Variants in SHPK observed in about 807,000 individuals in gnomAD.
The protein encoded by SHPK is carbohydrate kinase-like protein.
Under a neutral mutation model 46.3 loss-of-function variants are expected in SHPK, and 51 were observed. That is an observed-to-expected ratio of 1.10 (90% confidence interval 0.88 to 1.39). SHPK has a LOEUF of 1.39. SHPK is among the 40% of genes most tolerant of loss of function. SHPK has a pLI of 0.00. For synonymous variants in SHPK, 290 were observed against 273.9 expected (o/e 1.06, Z -0.58); for missense variants, 668 against 641.3 (o/e 1.04, Z -0.45).
rs1170768056 is a variant in SHPK at position 3,630,214 on chromosome 17, T to C, written c.301A>G (p.Thr101Ala). 6.2e-7 allele frequency: 1 copy of C among 1,613,836 alleles called. No individual in the cohort carries two copies. The highest frequency in any genetic ancestry group is 2.2e-5 in the East Asian group (1 of 44,898). Residue 101 changes from threonine to alanine, a missense_variant, in exon 2 of 7, where the codon ACA becomes GCA. By Grantham distance (58) the Thr-to-Ala change is moderately conservative. Transcript: ENST00000225519. Reference protein sequence around the residue: ...GQMHGVVFWKTGQGCEWTEGG... With the variant: ...GQMHGVVFWKAGQGCEWTEGG... The stretch of plus-strand genomic sequence containing the variant: ...CCCGAGCCCAGCATACCTTGGCCTG[T>C]TTTCCAAAACACGACTCCATGCATC...
At chr17:3,623,909 C>T in intron 3 of SHPK, 139 bp downstream of exon 3, 1 of 834,396 alleles carries the variant, frequency 1.2e-6, no homozygotes, top group Non-Finnish European at 1.9e-6. Context: ...AATCGAGGTC[C>T]AGGCCATGCT....
At chr17:3,627,830 C>A (rs1348544478) in intron 2 of SHPK, among the ~76,000 whole-genome samples, 1 of 151,694 alleles carries the variant, frequency 6.6e-6, no homozygotes, top group Non-Finnish European at 1.5e-5. Flanking sequence ...GACATTTATT[C>A]TCATTAATGC....
At chr17:3,616,650 A>T (rs1243217819) in intron 5 of SHPK, among the ~76,000 whole-genome samples, 4 of 152,240 alleles carry the variant, frequency 2.6e-5, no homozygotes. Context: ...ACCTCAGACC[A>T]AGGGCTTTAG....
rs1248990861 is a variant in SHPK at position 3,610,229 on chromosome 17, C to T, written c.*331G>A. 1 of 249,974 alleles carries T rather than the reference C, an allele frequency of 4.0e-6. No homozygotes were observed. The highest frequency in any genetic ancestry group is 7.7e-5 in the East Asian group (1 of 12,942). 15.5% of individuals were successfully genotyped at this position (249,974 alleles called of 1,614,324 possible). ...TGTCTGAAGTACACATTGATCTGCT[C>T]TCTGTCTACAGGTGAACCACAGATG... On this transcript the variant is annotated 3_prime_UTR_variant, in exon 7 of 7. Transcript: ENST00000225519.
chr17:3,635,194 G>GAAGGAAGGAAGGAAGA (rs2075504761), intron 1 of SHPK, among the ~76,000 whole-genome samples: 3 of 53,586 alleles, frequency 5.6e-5, no homozygotes, highest in Admixed American at 3.5e-4. Context: ...AGGAAAGAAT[G>GAAGGAAGGAAGGAAGA]AAGGAAGGAA....
chr17:3,624,016 C>A, intron 3 of SHPK, 32 bp downstream of exon 3: 1 of 1,576,020 alleles, frequency 6.3e-7, no homozygotes, highest in Non-Finnish European at 8.7e-7. Context: ...CCCGGAAACC[C>A]AGCACCCGAG....
chr17:3,627,542 C>T (rs1212335602), intron 2 of SHPK, among the ~76,000 whole-genome samples: 2 of 152,148 alleles, frequency 1.3e-5, no homozygotes, highest in South Asian at 2.1e-4. Context: ...CCATTAAAAT[C>T]GACAAGACTG....
intron 2 of SHPK, among the ~76,000 whole-genome samples, chr17:3,625,823 T>C (rs139102532): frequency 0.022 from 3,344 of 152,170 alleles, 95 homozygotes; most frequent in African/African-American, 0.052. Flanking sequence ...GAGGCCAAGG[T>C]GGGCGGATCA....
At chr17:3,617,643 T>C (rs1240591013) in intron 5 of SHPK, among the ~76,000 whole-genome samples, 1 of 152,176 alleles carries the variant, frequency 6.6e-6, no homozygotes, top group East Asian at 1.9e-4. Flanking sequence ...GGTGGCCACA[T>C]AAGGAAGTTT....
In SHPK at chr17:3,636,181, GC is replaced by G. The variant is rs1489901370; in HGVS notation, c.38del (p.Gly13AlafsTer5). 1 of 1,611,496 alleles carries G rather than the reference GC, an allele frequency of 6.2e-7. No homozygotes were observed. The highest frequency in any genetic ancestry group is 8.5e-7 in the Non-Finnish European group (1 of 1,178,510). On this transcript the variant is annotated frameshift_variant, in exon 1 of 7. Coordinates refer to ENST00000225519, the MANE Select transcript of SHPK (RefSeq NM_013276.4). LOFTEE classifies it high-confidence loss of function. The part of the protein sequence containing the change: ...ARPITLGIDL[G>X]TTSVKAALLR... ...GCAGAGCTGCCTTCACAGATGTGGT[GC>G]CCAGGTCAATGCCGAGGGTGATCGG... is the stretch of plus-strand genomic sequence containing the variant.
At chr17:3,613,002 G>A (rs866133934) in intron 6 of SHPK, among the ~76,000 whole-genome samples, 41 of 152,030 alleles carry the variant, frequency 2.7e-4, no homozygotes, top group African/African-American at 8.2e-4. Context: ...CGCCCACCTC[G>A]GCCTCCCAAA....
chr17:3,623,929 C>T (rs2075417544), intron 3 of SHPK, 119 bp downstream of exon 3: 1 of 1,007,344 alleles, frequency 9.9e-7, no homozygotes, highest in African/African-American at 1.6e-5. Context: ...TGCATCCTGT[C>T]CTGCCAGGAC....
chr17:3,619,712 G>A (rs955639250), intron 5 of SHPK: 15 of 325,736 alleles, frequency 4.6e-5, no homozygotes, highest in African/African-American at 1.8e-4. Flanking sequence ...CAGCCTGGGC[G>A]ACAGAGTGAG....
intron 1 of SHPK, among the ~76,000 whole-genome samples, chr17:3,632,505 T>TG (rs964214389): frequency 2.0e-5 from 3 of 151,914 alleles, no homozygotes; most frequent in Admixed American, 6.6e-5. Context: ...GTGAGTTGTG[T>TG]GGGGGGAGAC....
At position 3,636,229 on chromosome 17, in the gene SHPK, G is replaced by C; in HGVS notation, c.-10C>G. The C allele has an allele frequency of 1.3e-6, 2 of 1,593,714 alleles. No homozygotes were observed. Among genetic ancestry groups the C allele is most frequent in the Non-Finnish European group, 1.7e-6 (2 of 1,166,196 alleles). ...TCGGCCGCGCAGCCATTATCTCCCTGACCCGCGCAGCTCCAGTCTGCAGCC... is the reference window on the plus strand; with the variant it reads ...TCGGCCGCGCAGCCATTATCTCCCTCACCCGCGCAGCTCCAGTCTGCAGCC... On this transcript the variant is annotated 5_prime_UTR_variant, in exon 1 of 7. Transcript: ENST00000225519.
rs1431230408 is a variant in SHPK, at chr17:3,619,409, TC to T, written c.823+1827del. The T allele has an allele frequency of 5.9e-5, 91 of 1,553,016 alleles. No individual in the cohort carries two copies. In the African/African-American group the frequency reaches 1.1e-3, roughly 19 times the overall value. On this transcript the variant is annotated intron_variant, in intron 5 of 6. Coordinates refer to ENST00000225519, the MANE Select transcript of SHPK (RefSeq NM_013276.4). ...TCATCTTCTCTGCTTGTAGGGCAAC[TC>T]GGGACATAAAGCCAAATGCCTGATT...
At chr17:3,612,331 C>T (rs935001402) in intron 6 of SHPK, among the ~76,000 whole-genome samples, 130 of 150,410 alleles carry the variant, frequency 8.6e-4, no homozygotes, top group African/African-American at 3.1e-3. Flanking sequence ...GATGCTGAGG[C>T]ATGAGAAACG....
chr17:3,608,260 T>C lies in SHPK; in HGVS notation c.*2300A>G, dbSNP rs2075311916. The C allele has an allele frequency of 6.6e-6, 1 of 151,854 alleles. No individual in the cohort carries two copies. Among genetic ancestry groups the C allele is most frequent in the Admixed American group, 6.6e-5 (1 of 15,236 alleles). 9.4% of individuals were successfully genotyped at this position (151,854 alleles called of 1,614,324 possible). ...AAAACTAGCACGAATTTCTTTTTCTTTAGAATTTCACAGATAGAAGATTCA... is the reference window on the plus strand; with the variant it reads ...AAAACTAGCACGAATTTCTTTTTCTCTAGAATTTCACAGATAGAAGATTCA... On this transcript the variant is annotated 3_prime_UTR_variant, in exon 7 of 7. Transcript: ENST00000225519.
chr17:3,635,910 G>T, intron 1 of SHPK, 142 bp downstream of exon 1: 1 of 827,522 alleles, frequency 1.2e-6, no homozygotes. Context: ...AGCTGCTGCA[G>T]GCAGACGGGC....
Sources: gnomAD v4.1 joint callset for allele counts (sites outside exome capture counted in the v4.1 genomes callset) on GRCh38, gnomAD v4.1.1 for gene constraint, MANE v1.5 for transcripts, NCBI Gene and HGNC (gene_info 2026-07-23, HGNC 2026-07-21) for gene names.